The following PTPRG variants were observed in gnomAD, a reference collection of about 807,000 sequenced individuals.
PTPRG encodes protein tyrosine phosphatase receptor type G.
PTPRG carries 102 observed loss-of-function variants against 165.3 expected under a neutral mutation model. That is an observed-to-expected ratio of 0.62 (90% confidence interval 0.53 to 0.73). PTPRG has a LOEUF of 0.73. Among genes scored for constraint, PTPRG ranks in the 30% least tolerant of loss-of-function variants. The pLI is 0.00. For synonymous variants in PTPRG, 675 were observed against 669.5 expected (o/e 1.01, Z -0.13); for missense variants, 1,866 against 1,861.4 (o/e 1.00, Z -0.05).
intron 1 of PTPRG, among the ~76,000 whole-genome samples, chr3:61,732,991 T>C (rs2032574550): frequency 6.6e-6 from 1 of 152,190 alleles, no homozygotes; most frequent in Non-Finnish European, 1.5e-5. Context: ...TTTTCAGGAA[T>C]GATCACTTTT....
chr3:61,844,544 G>A (rs906704619), intron 2 of PTPRG, among the ~76,000 whole-genome samples: 4 of 152,250 alleles, frequency 2.6e-5, no homozygotes, highest in African/African-American at 9.6e-5. Context: ...GTCTCGCCCT[G>A]TCACTCAGGC....
intron 2 of PTPRG, among the ~76,000 whole-genome samples, chr3:61,825,726 C>A (rs570072581): frequency 4.3e-4 from 66 of 152,016 alleles, no homozygotes; most frequent in African/African-American, 1.6e-3. Flanking sequence ...CTCACTGCAG[C>A]CTCCATCTCT....
At chr3:61,868,426 C>A (rs1420528474) in intron 2 of PTPRG, among the ~76,000 whole-genome samples, 1 of 152,158 alleles carries the variant, frequency 6.6e-6, no homozygotes, top group Non-Finnish European at 1.5e-5. Flanking sequence ...GCCCTCTGCC[C>A]CCTGCCCCCA....
At chr3:61,682,718 C>A (rs943210746) in intron 1 of PTPRG, among the ~76,000 whole-genome samples, 2 of 152,078 alleles carry the variant, frequency 1.3e-5, no homozygotes, top group Admixed American at 1.3e-4. Flanking sequence ...GTTTTGTTTC[C>A]AACTCCCAGT....
chr3:61,954,314 G>C (rs2039985300), intron 2 of PTPRG, among the ~76,000 whole-genome samples: 2 of 152,158 alleles, frequency 1.3e-5, no homozygotes, highest in Non-Finnish European at 1.5e-5. Flanking sequence ...AGTGGTATTA[G>C]TGGTGGTGTG....
At chr3:61,628,219 A>G (rs957414152) in intron 1 of PTPRG, among the ~76,000 whole-genome samples, 17 of 152,160 alleles carry the variant, frequency 1.1e-4, no homozygotes, top group Admixed American at 3.3e-4. Context: ...TCTTTTGTTT[A>G]ACTTGAACAT....
At chr3:61,875,658 GCA>G (rs71722008) in intron 2 of PTPRG, among the ~76,000 whole-genome samples, 1 of 150,808 alleles carries the variant, frequency 6.6e-6, no homozygotes, top group South Asian at 2.1e-4. Context: ...CACACACACG[GCA>G]CACACACACA....
chr3:61,740,417 A>T (rs1354512676), intron 1 of PTPRG, among the ~76,000 whole-genome samples: 1 of 152,194 alleles, frequency 6.6e-6, no homozygotes, highest in Non-Finnish European at 1.5e-5. Context: ...AATCAGTTTT[A>T]TAAGTGTATC....
chr3:61,736,712 C>T (rs1004784053), intron 1 of PTPRG, among the ~76,000 whole-genome samples: 1 of 152,192 alleles, frequency 6.6e-6, no homozygotes, highest in Non-Finnish European at 1.5e-5. Flanking sequence ...TTCGTCTTGA[C>T]TCACCCTGGG....
intron 4 of PTPRG, among the ~76,000 whole-genome samples, chr3:62,070,086 T>A (rs1033320813): frequency 6.6e-6 from 1 of 152,238 alleles, no homozygotes; most frequent in Admixed American, 6.5e-5. Flanking sequence ...TAATGTAATA[T>A]GTATAATGTA....
intron 1 of PTPRG, among the ~76,000 whole-genome samples, chr3:61,718,015 A>G (rs188086768): frequency 1.3e-5 from 2 of 151,362 alleles, no homozygotes; most frequent in African/African-American, 4.9e-5. Context: ...CCCTGTCTCT[A>G]CTAAAAATAA....
intron 1 of PTPRG, among the ~76,000 whole-genome samples, chr3:61,581,613 T>C (rs1421444020): frequency 1.2e-4 from 2 of 17,180 alleles, no homozygotes; most frequent in Non-Finnish European, 2.5e-4. Context: ...TTTTTTCTTT[T>C]TTTTTTTTTT....
At chr3:62,036,680 A>G (rs769475724) in intron 4 of PTPRG, among the ~76,000 whole-genome samples, 3 of 152,208 alleles carry the variant, frequency 2.0e-5, no homozygotes, top group Non-Finnish European at 4.4e-5. Context: ...AAAGACAAAA[A>G]TGTCCCTAGT....
intron 5 of PTPRG, among the ~76,000 whole-genome samples, chr3:62,095,070 CAT>C (rs1397989442): frequency 6.6e-6 from 1 of 152,192 alleles, no homozygotes; most frequent in African/African-American, 2.4e-5. Context: ...GTCAGGCAAA[CAT>C]GTAAAATCAG....
rs946098218 is a variant in PTPRG, at chr3:62,210,286, A to G, written c.2155+6336A>G. 6.6e-6 allele frequency among the ~76,000 whole-genome samples: 1 copy of G among 152,240 alleles called. No individual in the cohort carries two copies. Among genetic ancestry groups the G allele is most frequent in the Non-Finnish European group, 1.5e-5 (1 of 68,044 alleles). On this transcript the variant is annotated intron_variant, in intron 12 of 29. Transcript: ENST00000474889. The surrounding 1 kb of genome is among the most constrained non-coding windows in gnomAD (Gnocchi z 4.1). Reference sequence around the variant, plus strand: ...ATTTATTTGTAACTGATGAACAATCATTTCTCTGCAGCAGTGGTTTGGGTA... The same window carrying G: ...ATTTATTTGTAACTGATGAACAATCGTTTCTCTGCAGCAGTGGTTTGGGTA...
chr3:61,684,301 T>G (rs912980271), intron 1 of PTPRG, among the ~76,000 whole-genome samples: 2 of 152,214 alleles, frequency 1.3e-5, no homozygotes, highest in African/African-American at 4.8e-5. Flanking sequence ...CTCCAGGCTG[T>G]GCTGTCGGGA....
At chr3:61,762,620 G>A (rs1363402842) in intron 2 of PTPRG, among the ~76,000 whole-genome samples, 2 of 152,080 alleles carry the variant, frequency 1.3e-5, no homozygotes, top group Non-Finnish European at 2.9e-5. Flanking sequence ...TCTCTTTGAC[G>A]TATGAGTACA....
At chr3:61,900,593 C>G (rs2038472105) in intron 2 of PTPRG, among the ~76,000 whole-genome samples, 2 of 152,194 alleles carry the variant, frequency 1.3e-5, no homozygotes, top group Admixed American at 1.3e-4. Flanking sequence ...AGCTCCCAAA[C>G]CACCCTGTCT....
intron 1 of PTPRG, among the ~76,000 whole-genome samples, chr3:61,612,800 A>G (rs986103906): frequency 3.3e-5 from 5 of 152,140 alleles, no homozygotes; most frequent in African/African-American, 1.2e-4. Flanking sequence ...TGATGATATC[A>G]GCTTCGGGGG....
Sources: allele counts gnomAD v4.1 joint callset (sites outside exome capture counted in the v4.1 genomes callset), GRCh38; gene constraint gnomAD v4.1.1; non-coding constraint Gnocchi (gnomAD v3.1); transcripts MANE v1.5; gene names NCBI Gene and HGNC (gene_info 2026-07-23, HGNC 2026-07-21).